The following CDH4 variants were observed in gnomAD, a reference collection of about 807,000 sequenced individuals.
CDH4 encodes the protein cadherin-4.
CDH4 carries 33 observed loss-of-function variants against 86.0 expected under a neutral mutation model. The observed-to-expected ratio is 0.38, with a 90% confidence interval of 0.29 to 0.51. The LOEUF (loss-of-function observed/expected upper bound fraction) is 0.51. Ranked by LOEUF, CDH4 falls within the 20% of genes least tolerant of loss-of-function variation. The pLI, the probability that CDH4 is intolerant of heterozygous loss-of-function variation, is 0.86. For missense variants in CDH4, 1,114 were observed against 1,307.4 expected (o/e 0.85, Z 2.28); for synonymous variants, 555 against 549.4 (o/e 1.01, Z -0.14).
chr20:61,741,725 T>G (rs1366894414), intron 2 of CDH4, among the ~76,000 whole-genome samples: 1 of 152,106 alleles, frequency 6.6e-6, no homozygotes, highest in Non-Finnish European at 1.5e-5. Context: ...TCCCCTGACC[T>G]CGTGATCCAC....
At chr20:61,870,945 G>A (rs567339030) in intron 6 of CDH4, among the ~76,000 whole-genome samples, 17 of 152,250 alleles carry the variant, frequency 1.1e-4, no homozygotes, top group African/African-American at 3.1e-4. Flanking sequence ...ACCCTCACGA[G>A]GCAAAGTTAT....
intron 2 of CDH4, among the ~76,000 whole-genome samples, chr20:61,552,024 A>G (rs2086134623): frequency 6.6e-6 from 1 of 152,118 alleles, no homozygotes; most frequent in African/African-American, 2.4e-5. Context: ...AAACTATAAA[A>G]CTCTAAGAAG....
In CDH4 at chr20:61,633,516, A is replaced by G. The variant is rs888388005; in HGVS notation, c.170-110047A>G. 1.6e-4 allele frequency among the ~76,000 whole-genome samples: 25 copies of G among 152,040 alleles called. 1 individual carries two copies. Among genetic ancestry groups the G allele is most frequent in the African/African-American group, 4.3e-4 (18 of 41,398 alleles). ...CATGCATCTGTCTATCCTTCCACCT[A>G]TCTGTCCATCTATCCATCAATGTAT... is the stretch of plus-strand genomic sequence containing the variant. On this transcript the variant is annotated intron_variant, in intron 2 of 15. Transcript: ENST00000614565.
chr20:61,781,243 T>G (rs916126045), intron 4 of CDH4, among the ~76,000 whole-genome samples: 1 of 11,024 alleles, frequency 9.1e-5, no homozygotes, highest in Non-Finnish European at 1.6e-4. Flanking sequence ...TTATTAGACA[T>G]GTCAAAAAGA....
chr20:61,498,718 T>G (rs2085679506), intron 2 of CDH4, among the ~76,000 whole-genome samples: 1 of 152,122 alleles, frequency 6.6e-6, no homozygotes, highest in Non-Finnish European at 1.5e-5. Flanking sequence ...TTGTCTTGGG[T>G]CACACATAAA....
At chr20:61,799,587 G>A (rs940504641) in intron 4 of CDH4, among the ~76,000 whole-genome samples, 4 of 152,146 alleles carry the variant, frequency 2.6e-5, no homozygotes, top group South Asian at 2.1e-4. Context: ...CAGGAGATGC[G>A]TCCTGGGCTG....
chr20:61,508,852 G>A (rs1253254304), intron 2 of CDH4, among the ~76,000 whole-genome samples: 1 of 152,238 alleles, frequency 6.6e-6, no homozygotes, highest in Non-Finnish European at 1.5e-5. Context: ...AGAGGGCAAG[G>A]AGGGCTTGGG....
chr20:61,457,742 C>T (rs548567700), intron 2 of CDH4, among the ~76,000 whole-genome samples: 4 of 143,024 alleles, frequency 2.8e-5, no homozygotes, highest in South Asian at 2.3e-4. Context: ...CTGGTGGTGG[C>T]GGTGGTGGTG....
intron 2 of CDH4, among the ~76,000 whole-genome samples, chr20:61,447,462 G>T (rs971892060): frequency 6.6e-6 from 1 of 151,630 alleles, no homozygotes; most frequent in East Asian, 2.0e-4. Flanking sequence ...GCATGAGCCA[G>T]TGTGCCCGAC....
intron 3 of CDH4, among the ~76,000 whole-genome samples, chr20:61,759,685 C>T (rs988693591): frequency 6.6e-6 from 1 of 151,922 alleles, no homozygotes; most frequent in Non-Finnish European, 1.5e-5. Context: ...ATATATTTTT[C>T]TATAAACTGG....
chr20:61,311,382 GA>G (rs1275512768), intron 2 of CDH4, among the ~76,000 whole-genome samples: 1 of 152,150 alleles, frequency 6.6e-6, no homozygotes, highest in Non-Finnish European at 1.5e-5. Context: ...AACATATTGG[GA>G]AAATAATTTC....
In CDH4 at chr20:61,708,108, G is replaced by A. The variant is rs562353945; in HGVS notation, c.170-35455G>A. Among the ~76,000 whole-genome samples, 42 of 152,084 alleles carry A rather than the reference G, an allele frequency of 2.8e-4. No individual in the cohort carries two copies. Among genetic ancestry groups the A allele is most frequent in the Non-Finnish European group, 4.7e-4 (32 of 68,006 alleles). ...TGCTGGGGGTCCCGGGCTGTGGCGC[G>A]TCTCCCTGGGCATAGCCATCACCCA... On this transcript the variant is annotated intron_variant, in intron 2 of 15. Transcript: ENST00000614565. This position sits in a 1 kb window ranked among gnomAD's most constrained non-coding sequence, Gnocchi z 4.5.
At chr20:61,327,666 T>A (rs765431073) in intron 2 of CDH4, among the ~76,000 whole-genome samples, 3 of 152,158 alleles carry the variant, frequency 2.0e-5, no homozygotes, top group Non-Finnish European at 2.9e-5. Context: ...ACATTTTGGA[T>A]GGTCCTTTGA....
chr20:61,629,943 G>A (rs1408509454), intron 2 of CDH4, among the ~76,000 whole-genome samples: 4 of 152,206 alleles, frequency 2.6e-5, no homozygotes, highest in Admixed American at 1.3e-4. Context: ...GAGTCAGGGA[G>A]ACATGACCTG....
At chr20:61,265,020 C>A (rs2084149512) in intron 2 of CDH4, among the ~76,000 whole-genome samples, 1 of 150,950 alleles carries the variant, frequency 6.6e-6, no homozygotes, top group Non-Finnish European at 1.5e-5. Flanking sequence ...CTACACATAC[C>A]CCAGTGGCTC....
intron 2 of CDH4, among the ~76,000 whole-genome samples, chr20:61,369,599 C>T (rs1160456714): frequency 1.3e-5 from 2 of 151,618 alleles, no homozygotes; most frequent in Non-Finnish European, 2.9e-5. Context: ...AGAAGAGGCA[C>T]ATGGAAGGAT....
At chr20:61,896,404 G>A (rs2079700049) in intron 8 of CDH4, among the ~76,000 whole-genome samples, 1 of 152,230 alleles carries the variant, frequency 6.6e-6, no homozygotes, top group Admixed American at 6.5e-5. Flanking sequence ...TCCCAGGCCT[G>A]GGGCGCAGCT....
At chr20:61,680,909 A>G (rs780334906) in intron 2 of CDH4, among the ~76,000 whole-genome samples, 34 of 152,188 alleles carry the variant, frequency 2.2e-4, no homozygotes, top group East Asian at 5.8e-4. Flanking sequence ...AGGATGCACC[A>G]TTTCTTCCCT....
At chr20:61,283,449 A>C (rs1195825039) in intron 2 of CDH4, among the ~76,000 whole-genome samples, 1 of 62,988 alleles carries the variant, frequency 1.6e-5, no homozygotes, top group Non-Finnish European at 3.3e-5. Flanking sequence ...GGTGTGTGTG[A>C]TGTGTGTGCG....
Sources: gnomAD v4.1 joint callset for allele counts (sites outside exome capture counted in the v4.1 genomes callset) on GRCh38, gnomAD v4.1.1 for gene constraint, Gnocchi (gnomAD v3.1) non-coding constraint, MANE v1.5 for transcripts, NCBI Gene and HGNC (gene_info 2026-07-23, HGNC 2026-07-21) for gene names.